Variants in SEMA6A observed in about 807,000 individuals in gnomAD.
The protein encoded by SEMA6A is semaphorin 6A.
SEMA6A carries 25 observed loss-of-function variants against 96.8 expected under a neutral mutation model. That is an observed-to-expected ratio of 0.26 (90% CI 0.19 to 0.36). SEMA6A has a LOEUF of 0.36. Among genes scored for constraint, SEMA6A ranks in the 10% least tolerant of loss-of-function variants. The pLI, the probability that SEMA6A is intolerant of heterozygous loss-of-function variation, is 1.00. For missense variants in SEMA6A, 1,363 were observed against 1,323.1 expected (o/e 1.03, Z -0.47); for synonymous variants, 612 against 518.0 (o/e 1.18, Z -2.46).
At chr5:116,561,392 G>A (rs979786041) in intron 1 of SEMA6A, among the ~76,000 whole-genome samples, 2 of 152,162 alleles carry the variant, frequency 1.3e-5, no homozygotes, top group African/African-American at 2.4e-5. Context: ...TCAAAGCTGG[G>A]AGCCAATCTA....
At chr5:116,481,055 C>T (rs1756737663) in intron 11 of SEMA6A, among the ~76,000 whole-genome samples, 1 of 152,148 alleles carries the variant, frequency 6.6e-6, no homozygotes, top group Non-Finnish European at 1.5e-5. Context: ...ACGACACCAG[C>T]ATGAACCACT....
intron 18 of SEMA6A, among the ~76,000 whole-genome samples, chr5:116,458,986 C>A (rs953509024): frequency 1.3e-5 from 2 of 152,042 alleles, no homozygotes; most frequent in African/African-American, 4.8e-5. Context: ...TTTCCTCAGT[C>A]CCTCAAAGAA....
chr5:116,494,262 T>C (rs1757469219), intron 6 of SEMA6A, among the ~76,000 whole-genome samples: 1 of 152,266 alleles, frequency 6.6e-6, no homozygotes, highest in African/African-American at 2.4e-5. Context: ...CCTTTGTTCA[T>C]GCTGTTCCCT....
At chr5:116,489,858 G>C (rs942820675) in intron 7 of SEMA6A, among the ~76,000 whole-genome samples, 1 of 151,960 alleles carries the variant, frequency 6.6e-6, no homozygotes, top group Admixed American at 6.6e-5. Flanking sequence ...AATCAAAAGG[G>C]GTGTTCTAGA....
chr5:116,525,902 G>T (rs946374331), intron 1 of SEMA6A, among the ~76,000 whole-genome samples: 2 of 152,162 alleles, frequency 1.3e-5, no homozygotes, highest in Non-Finnish European at 2.9e-5. Context: ...ACTGTTTCAG[G>T]TGCTGTGGCC....
At chr5:116,537,115 C>T (rs966781341) in intron 1 of SEMA6A, among the ~76,000 whole-genome samples, 4 of 152,114 alleles carry the variant, frequency 2.6e-5, no homozygotes, top group South Asian at 4.1e-4. Context: ...GGTAAGTGTT[C>T]GCAACAGTTA....
chr5:116,524,079 G>A (rs1759095010), intron 1 of SEMA6A, among the ~76,000 whole-genome samples: 1 of 152,098 alleles, frequency 6.6e-6, no homozygotes. Flanking sequence ...TTACAGGGAG[G>A]CATACAGAAA....
chr5:116,478,337 C>A, intron 13 of SEMA6A, 183 bp from the exon 14 acceptor site: 3 of 761,730 alleles, frequency 3.9e-6, no homozygotes, highest in Non-Finnish European at 6.3e-6. Context: ...TATAAACACA[C>A]ACACATATAT....
chr5:116,574,107 C>T (rs1160216619), intron 1 of SEMA6A, 78 bp downstream of exon 1: 1 of 152,406 alleles, frequency 6.6e-6, no homozygotes. Context: ...ACAGCACGCG[C>T]TAGCCACGGC....
In SEMA6A at chr5:116,478,173, A is replaced by G. The variant is rs746534467; in HGVS notation, c.1428-19T>C. ...GCTGCATCTAATTTCATCAGGCAAG[A>G]TAATATCATTAATAGACTCTTCTCT... On this transcript the variant is annotated intron_variant, in intron 13 of 18. Coordinates refer to ENST00000343348, the MANE Select transcript of SEMA6A (RefSeq NM_020796.5). The G allele has an allele frequency of 1.9e-6, 3 of 1,613,212 alleles. No homozygotes were observed. Among genetic ancestry groups the G allele is most frequent in the East Asian group, 2.2e-5 (1 of 44,810 alleles).
At chr5:116,455,822 C>T (rs887387849) in intron 18 of SEMA6A, among the ~76,000 whole-genome samples, 2 of 152,122 alleles carry the variant, frequency 1.3e-5, no homozygotes, top group South Asian at 2.1e-4. Context: ...CCTGGGTTTG[C>T]GTGTTGGCTC....
intron 18 of SEMA6A, among the ~76,000 whole-genome samples, chr5:116,448,196 A>AAAAAAAAAAAAAAAAAAAAAAT (rs780426357): frequency 3.6e-5 from 5 of 138,702 alleles, no homozygotes; most frequent in African/African-American, 1.4e-4. Flanking sequence ...AAAAAAAAAA[A>AAAAAAAAAAAAAAAAAAAAAAT]TTAGCCAGGC....
intron 13 of SEMA6A, 111 bp from the exon 14 acceptor site, chr5:116,478,265 G>A: frequency 5.3e-6 from 7 of 1,316,340 alleles, no homozygotes; most frequent in Non-Finnish European, 7.3e-6. Context: ...CTAACTGGCG[G>A]TGAAACAAAC....
At chr5:116,532,109 A>C (rs1028004259) in intron 1 of SEMA6A, among the ~76,000 whole-genome samples, 2 of 152,184 alleles carry the variant, frequency 1.3e-5, no homozygotes, top group African/African-American at 4.8e-5. Context: ...TGCCTTGCTG[A>C]GGAAATTAAA....
chr5:116,531,636 T>C (rs77107435), intron 1 of SEMA6A, among the ~76,000 whole-genome samples: 1,860 of 152,296 alleles, frequency 0.012, 37 homozygotes, highest in African/African-American at 0.042. Flanking sequence ...TATTTCAGTA[T>C]GTTCAGCCCT....
At chr5:116,464,894 T>A (rs558926392) in intron 18 of SEMA6A, among the ~76,000 whole-genome samples, 1 of 152,316 alleles carries the variant, frequency 6.6e-6, no homozygotes, top group East Asian at 1.9e-4. Context: ...CTGGCATTTT[T>A]ACCAGTGGCC....
At chr5:116,463,726 G>A (rs1755556766) in intron 18 of SEMA6A, among the ~76,000 whole-genome samples, 1 of 152,108 alleles carries the variant, frequency 6.6e-6, no homozygotes, top group South Asian at 2.1e-4. Context: ...TACAACTCTG[G>A]CATTTCTGAT....
chr5:116,487,018 G>T (rs1757081892), intron 9 of SEMA6A, 52 bp from the exon 10 acceptor site: 1 of 1,305,034 alleles, frequency 7.7e-7, no homozygotes, highest in Non-Finnish European at 1.1e-6. Context: ...TTTGCAAGGA[G>T]ATCTTAGTAG....
At chr5:116,531,118 A>G (rs1759450982) in intron 1 of SEMA6A, among the ~76,000 whole-genome samples, 1 of 150,246 alleles carries the variant, frequency 6.7e-6, no homozygotes, top group African/African-American at 2.5e-5. Flanking sequence ...CCCTAATCTT[A>G]CCTTCACTAA....
Sources: gnomAD v4.1 joint callset for allele counts (sites outside exome capture counted in the v4.1 genomes callset) on GRCh38, gnomAD v4.1.1 for gene constraint, MANE v1.5 for transcripts, NCBI Gene and HGNC (gene_info 2026-07-23, HGNC 2026-07-21) for gene names.